The following NCAPD2 variants were observed in gnomAD, a reference collection of about 807,000 sequenced individuals.
NCAPD2 encodes the protein non-SMC condensin I complex subunit D2, also known as condensin complex subunit 1.
Under a neutral mutation model 164.5 loss-of-function variants are expected in NCAPD2, and 100 were observed. The ratio of observed to expected loss-of-function variants is 0.61; its 90% CI spans 0.52 to 0.72. NCAPD2 has a LOEUF of 0.72. Ranked by LOEUF, NCAPD2 falls within the 30% of genes least tolerant of loss-of-function variation. The pLI, the probability that NCAPD2 is intolerant of heterozygous loss-of-function variation, is 0.00. For missense variants in NCAPD2, 1,560 were observed against 1,749.2 expected, an observed-to-expected ratio of 0.89 and a Z score of 1.93; for synonymous variants, 585 against 642.6, an observed-to-expected ratio of 0.91 and a Z score of 1.36.
chr12:6,503,951 C>T (rs937162398), intron 2 of NCAPD2, among the ~76,000 whole-genome samples: 1 of 151,880 alleles, frequency 6.6e-6, no homozygotes, highest in Non-Finnish European at 1.5e-5. Context: ...GCACTCCAGC[C>T]TGGGCGACAG....
Position 6,530,959 on chromosome 12 carries a change from A to G in NCAPD2, c.4003A>G (p.Asn1335Asp). 1 of 1,614,184 alleles carries G rather than the reference A, an allele frequency of 6.2e-7. No individual in the cohort carries two copies. The stretch of plus-strand genomic sequence containing the variant: ...GCCTCTGGCTTCTACAGCCTCAGAC[A>G]ATGACTTTGTCACACCAGAGCCCCG... ...YQPLASTASD[N>D]DFVTPEPRRT... Residue 1335 changes from asparagine (N) to aspartate (D), a missense_variant, in exon 31 of 32, where the codon AAT (asparagine) becomes GAT (aspartate). Transcript: ENST00000315579.
intron 17 of NCAPD2, among the ~76,000 whole-genome samples, chr12:6,525,368 T>C (rs1286765906): frequency 2.6e-5 from 4 of 152,162 alleles, no homozygotes; most frequent in Admixed American, 6.5e-5. Context: ...GATATGTCAC[T>C]TGAATAAAAT....
At position 6,528,605 on chromosome 12, in the gene NCAPD2, T is replaced by C; in HGVS notation, c.3300-74T>C. ...AGAGCATGGGATAATTGATTCCTGCTGAGGGCCTTTTCTACCAGTGTTAGG... is the reference window on the plus strand; with the variant it reads ...AGAGCATGGGATAATTGATTCCTGCCGAGGGCCTTTTCTACCAGTGTTAGG... On this transcript the variant is annotated intron_variant, in intron 25 of 31. Coordinates refer to ENST00000315579, the MANE Select transcript of NCAPD2 (RefSeq NM_014865.4). This position sits in a 1 kb window ranked among gnomAD's most constrained non-coding sequence, Gnocchi z 5.1. The C allele has an allele frequency of 6.7e-7, 1 of 1,490,882 alleles. No homozygotes were observed. The highest frequency in any genetic ancestry group is 9.2e-7 in the Non-Finnish European group (1 of 1,090,384). 92.4% of individuals were successfully genotyped at this position (1,490,882 alleles called of 1,614,324 possible).
intron 2 of NCAPD2, among the ~76,000 whole-genome samples, chr12:6,499,333 T>C (rs1946012989): frequency 6.6e-6 from 1 of 152,040 alleles, no homozygotes; most frequent in Non-Finnish European, 1.5e-5. Flanking sequence ...TGCCTCAGTT[T>C]CCCAAGCAGC....
chr12:6,520,491 C>T (rs538251224), intron 13 of NCAPD2, among the ~76,000 whole-genome samples: 2 of 152,054 alleles, frequency 1.3e-5, no homozygotes, highest in African/African-American at 2.4e-5. Context: ...CCATCACACC[C>T]GGCTAACTTT....
chr12:6,523,398 G>GGTTT (rs758507718), intron 17 of NCAPD2, 52 bp downstream of exon 17: 45 of 873,372 alleles, frequency 5.2e-5, no homozygotes, highest in Middle Eastern at 3.6e-4. Context: ...TATTTTGGTT[G>GGTTT]TTTTTTTTTT....
chr12:6,505,311 C>T (rs931316974), intron 2 of NCAPD2, among the ~76,000 whole-genome samples: 1 of 152,146 alleles, frequency 6.6e-6, no homozygotes, highest in Non-Finnish European at 1.5e-5. Context: ...AGTGATTCAC[C>T]CGCCTCGGTC....
In NCAPD2 at chr12:6,527,006, C is replaced by G. The variant is rs1440200876; in HGVS notation, c.2850C>G (p.Cys950Trp). 4 of 1,613,840 alleles carry G rather than the reference C, an allele frequency of 2.5e-6. No homozygotes were observed. Among genetic ancestry groups the G allele is most frequent in the Non-Finnish European group, 3.4e-6 (4 of 1,179,954 alleles). ...HLEQAVSGEL[C>W]RRRVLREEQE... The stretch of plus-strand genomic sequence containing the variant: ...AGCAGGCAGTGAGTGGAGAGCTCTG[C>G]CGGCGCCGAGTTCTCCGGGAAGAAC... The change falls in exon 22 of 32, where the codon TGC becomes TGG. Residue 950 changes from cysteine to tryptophan, a missense_variant. Physicochemically the swap from Cys to Trp is radical, Grantham distance 215 (BLOSUM62 -2). Coordinates refer to ENST00000315579, the MANE Select transcript of NCAPD2 (RefSeq NM_014865.4).
chr12:6,506,456 G>A (rs974761771), intron 2 of NCAPD2, among the ~76,000 whole-genome samples: 6 of 152,116 alleles, frequency 3.9e-5, no homozygotes, highest in African/African-American at 1.4e-4. Context: ...CGGGCATGGT[G>A]GCGGGCGCCG....
chr12:6,526,624 G>T lies in NCAPD2; in HGVS notation c.2734+9G>T. Reference sequence around the variant, plus strand: ...CAGTCAGGAGGACCCGAGTAAGTGGGCAGGGGTTGACCCACTGCGGCAGCC... The same window carrying T: ...CAGTCAGGAGGACCCGAGTAAGTGGTCAGGGGTTGACCCACTGCGGCAGCC... On this transcript the variant is annotated intron_variant, in intron 21 of 31. Transcript: ENST00000315579. The T allele has an allele frequency of 6.2e-7, 1 of 1,611,694 alleles. No individual in the cohort carries two copies. Among genetic ancestry groups the T allele is most frequent in the Non-Finnish European group, 8.5e-7 (1 of 1,178,298 alleles).
intron 2 of NCAPD2, among the ~76,000 whole-genome samples, chr12:6,502,326 G>A (rs1434365601): frequency 6.6e-6 from 1 of 152,322 alleles, no homozygotes; most frequent in South Asian, 2.1e-4. Flanking sequence ...TCAATAGGAA[G>A]GGAAAGCCTT....
In NCAPD2 at chr12:6,529,584, G is replaced by A. The variant is rs771553945; in HGVS notation, c.3644G>A (p.Arg1215His). The A allele has an allele frequency of 1.4e-5, 23 of 1,614,036 alleles. No homozygotes were observed. Among genetic ancestry groups the A allele is most frequent in the East Asian group, 8.9e-5 (4 of 44,890 alleles). Residue 1215 changes from arginine to histidine, a missense_variant, in exon 28 of 32, where the codon CGC becomes CAC. By Grantham distance (29) the Arg-to-His change is conservative (BLOSUM62 0). Coordinates refer to ENST00000315579, the MANE Select transcript of NCAPD2 (RefSeq NM_014865.4). ...GTGGAAAAGCTGTGTCAGCGGTTCC[G>A]CACATCCCGGTATGCTGCCCTCCCT... ...SLVEKLCQRF[R>H]TSRTERQQRD...
chr12:6,517,284 TTAG>T, intron 10 of NCAPD2, 78 bp from the exon 11 acceptor site: 1 of 1,561,294 alleles, frequency 6.4e-7, no homozygotes, highest in Non-Finnish European at 8.6e-7. Flanking sequence ...GTAGCTCAGT[TTAG>T]AGTATACTTA....
In NCAPD2 at chr12:6,526,065, T is replaced by C. The variant is rs769446437; in HGVS notation, c.2349-3T>C. 6.2e-7 allele frequency: 1 copy of C among 1,613,602 alleles called. No individual in the cohort carries two copies. Among genetic ancestry groups the C allele is most frequent in the South Asian group, 1.1e-5 (1 of 91,058 alleles). ...CTTTAACTCTGTGGCTTCCTTCCCC[T>C]AGAGGAAAGCCAGAAATTGTGGGAA... On this transcript the variant is annotated splice_region_variant and splice_polypyrimidine_tract_variant and intron_variant, in intron 18 of 31. Coordinates refer to ENST00000315579, the MANE Select transcript of NCAPD2 (RefSeq NM_014865.4).
intron 4 of NCAPD2, 172 bp from the exon 5 acceptor site, chr12:6,510,457 C>A: frequency 1.2e-6 from 1 of 820,844 alleles, no homozygotes; most frequent in Non-Finnish European, 2.1e-6. Flanking sequence ...AGGAACAGGG[C>A]ATGTTCAGGG....
chr12:6,518,687 A>AT (rs1240366633), intron 13 of NCAPD2, among the ~76,000 whole-genome samples: 1 of 148,852 alleles, frequency 6.7e-6, no homozygotes, highest in African/African-American at 2.5e-5. Context: ...CACCGCACTA[A>AT]TTTTTTTATT....
intron 2 of NCAPD2, among the ~76,000 whole-genome samples, chr12:6,501,227 ATTTTTTTTTTTTTTTTTT>A (rs71067121): frequency 4.3e-5 from 3 of 69,174 alleles, no homozygotes; most frequent in Non-Finnish European, 7.3e-5. Context: ...CGCCTGGCTA[ATTTTTTTTTTTTTTTTTT>A]TTTTTTTTTT....
chr12:6,510,303 T>A (rs1398685093), intron 4 of NCAPD2, 170 bp downstream of exon 4: 1 of 830,750 alleles, frequency 1.2e-6, no homozygotes, highest in Non-Finnish European at 2.1e-6. Flanking sequence ...AGGTCTGTAA[T>A]CTTGGTGGGC....
intron 6 of NCAPD2, among the ~76,000 whole-genome samples, chr12:6,511,666 G>A (rs1194843374): frequency 2.0e-5 from 3 of 152,082 alleles, no homozygotes; most frequent in Admixed American, 6.5e-5. Context: ...TAAGTTTGAT[G>A]GAAGAAGGTT....
Sources: allele counts gnomAD v4.1 joint callset (sites outside exome capture counted in the v4.1 genomes callset), GRCh38; gene constraint gnomAD v4.1.1; non-coding constraint Gnocchi (gnomAD v3.1); transcripts MANE v1.5; gene names NCBI Gene and HGNC (gene_info 2026-07-23, HGNC 2026-07-21).